The following HYDIN variants were observed in gnomAD, a reference collection of about 807,000 sequenced individuals.
HYDIN encodes axonemal central pair apparatus protein HYDIN.
A neutral mutation model predicts 403.9 loss-of-function variants in HYDIN; 132 were observed. That is an observed-to-expected ratio of 0.33 (90% CI 0.28 to 0.38). HYDIN has a LOEUF of 0.38. HYDIN is among the 10% of genes least tolerant of loss of function. The pLI, the probability that HYDIN is intolerant of heterozygous loss-of-function variation, is 1.00. For missense variants in HYDIN, 2,827 were observed against 5,009.5 expected (o/e 0.56, Z 13.15); for synonymous variants, 1,202 against 1,891.7 (o/e 0.64, Z 9.46).
intron 42 of HYDIN, among the ~76,000 whole-genome samples, chr16:70,942,437 T>C (rs1160710849): frequency 2.0e-5 from 3 of 152,012 alleles, no homozygotes; most frequent in Non-Finnish European, 4.4e-5. Context: ...AAAAATGAGA[T>C]GGAAAGGGAA....
chr16:70,962,933 G>C (rs1429052152), intron 37 of HYDIN, among the ~76,000 whole-genome samples: 4 of 150,772 alleles, frequency 2.7e-5, no homozygotes, highest in African/African-American at 9.8e-5. Context: ...GAGAAGCAGG[G>C]CGTGTGCCTT....
intron 1 of HYDIN, among the ~76,000 whole-genome samples, chr16:71,225,821 T>C (rs141481621): frequency 6.6e-6 from 1 of 152,022 alleles, no homozygotes; most frequent in African/African-American, 2.4e-5. Flanking sequence ...TCATATACAA[T>C]AGCATCAAAA....
chr16:71,175,665 T>C lies in HYDIN; in HGVS notation c.458A>G (p.Lys153Arg). ...TATGGAAGGCACTCCAGGAGCCACT[T>C]TGTGGCCAATATCTTTGGGGCTGAT... ...KVISPKDIGH[K>R]VAPGVPSIFR... The change falls in exon 5 of 86, where the codon AAA becomes AGA. Residue 153 changes from lysine (K) to arginine (R), a missense_variant. Coordinates refer to ENST00000393567, the MANE Select transcript of HYDIN (RefSeq NM_001270974.2). The C allele has an allele frequency of 6.2e-7, 1 of 1,614,028 alleles. No individual in the cohort carries two copies. Among genetic ancestry groups the C allele is most frequent in the Non-Finnish European group, 8.5e-7 (1 of 1,179,840 alleles).
intron 57 of HYDIN, among the ~76,000 whole-genome samples, chr16:70,890,512 G>T (rs2041405648): frequency 6.6e-6 from 1 of 152,180 alleles, no homozygotes; most frequent in African/African-American, 2.4e-5. Context: ...TTTAAAAAAT[G>T]TTCAAATTTT....
At chr16:70,847,119 T>C (rs2038266240) in intron 75 of HYDIN, among the ~76,000 whole-genome samples, 1 of 152,070 alleles carries the variant, frequency 6.6e-6, no homozygotes, top group African/African-American at 2.4e-5. Context: ...CGTTAGTTGA[T>C]GCAGTTTCTT....
chr16:70,843,207 C>A lies in HYDIN; in HGVS notation c.12874-2974G>T, dbSNP rs1162440782. Among the ~76,000 whole-genome samples, 7 of 119,124 alleles carry A rather than the reference C, an allele frequency of 5.9e-5. No individual in the cohort carries two copies. The South Asian group carries it at 1.5e-3, about 26-fold the overall frequency. 78.1% of individuals were successfully genotyped at this position (119,124 alleles called of 152,430 possible). A position where few individuals can be genotyped will look rare whatever the true frequency, so the allele number is the denominator to read the frequency against. ...TCCCTCCCCCCTCCCCCCACCCCACCACAGTCCCCAGAGTGTGATGTTCCC... is the reference window on the plus strand; with the variant it reads ...TCCCTCCCCCCTCCCCCCACCCCACAACAGTCCCCAGAGTGTGATGTTCCC... On this transcript the variant is annotated intron_variant, in intron 75 of 85. Coordinates refer to ENST00000393567, the MANE Select transcript of HYDIN (RefSeq NM_001270974.2).
At chr16:71,037,751 A>G (rs946201834) in intron 18 of HYDIN, among the ~76,000 whole-genome samples, 3 of 152,202 alleles carry the variant, frequency 2.0e-5, no homozygotes, top group Non-Finnish European at 4.4e-5. Flanking sequence ...AATTCTGCCA[A>G]TGACCTGGGG....
intron 77 of HYDIN, among the ~76,000 whole-genome samples, chr16:70,837,458 C>T (rs1401671617): frequency 6.6e-6 from 1 of 152,066 alleles, no homozygotes; most frequent in Non-Finnish European, 1.5e-5. Context: ...TCCTTTGATA[C>T]AGTAAAGTTT....
At chr16:71,203,460 T>C (rs1176258941) in intron 1 of HYDIN, among the ~76,000 whole-genome samples, 1 of 152,212 alleles carries the variant, frequency 6.6e-6, no homozygotes, top group Non-Finnish European at 1.5e-5. Flanking sequence ...TATGCAATGG[T>C]ATGAATTGCT....
intron 58 of HYDIN, among the ~76,000 whole-genome samples, chr16:70,888,846 G>C (rs1272646984): frequency 6.6e-6 from 1 of 152,254 alleles, no homozygotes; most frequent in African/African-American, 2.4e-5. Context: ...ATTTTTCTTT[G>C]GTGTTTGGCT....
chr16:70,883,111 C>G (rs1313841466), intron 59 of HYDIN, among the ~76,000 whole-genome samples: 1 of 152,348 alleles, frequency 6.6e-6, no homozygotes, highest in Non-Finnish European at 1.5e-5. Context: ...GCATTTTTCT[C>G]CCAATGGTAA....
chr16:70,943,172 C>T (rs1216491009), intron 42 of HYDIN, among the ~76,000 whole-genome samples: 4 of 152,100 alleles, frequency 2.6e-5, no homozygotes, highest in African/African-American at 9.7e-5. Context: ...TGATACCCTC[C>T]TCAATCCTGC....
At position 70,992,209 on chromosome 16, in the gene HYDIN, A is replaced by G. The variant is rs201022052; in HGVS notation, c.3646T>C (p.Phe1216Leu). The G allele has an allele frequency of 5.6e-5, 88 of 1,575,686 alleles. No individual in the cohort carries two copies. The highest frequency in any genetic ancestry group is 5.3e-5 in the Non-Finnish European group (62 of 1,163,692). ...LVNDEENQIR[F>L]VTLPKKPYSA... The stretch of plus-strand genomic sequence containing the variant: ...TAGGGCTTCTTCGGCAATGTCACAA[A>G]CCTACCAAAGCATGGGACAGGGAAT... The change falls in exon 24 of 86, where the codon TTT (phenylalanine) becomes CTT (leucine). Residue 1216 changes from phenylalanine (F) to leucine (L), a missense_variant and splice_region_variant. Phe to Leu is a conservative substitution (Grantham distance 22). Transcript: ENST00000393567.
intron 1 of HYDIN, among the ~76,000 whole-genome samples, chr16:71,199,235 C>T (rs1304831240): frequency 2.0e-5 from 3 of 152,116 alleles, no homozygotes; most frequent in Non-Finnish European, 2.9e-5. Flanking sequence ...AATAGAAGCC[C>T]TTTGTCAGTT....
intron 37 of HYDIN, among the ~76,000 whole-genome samples, chr16:70,963,348 A>G (rs538584327): frequency 1.4e-5 from 2 of 142,332 alleles, no homozygotes; most frequent in Non-Finnish European, 3.0e-5. Context: ...GTATCTCAGA[A>G]TGTGACTGCA....
intron 78 of HYDIN, among the ~76,000 whole-genome samples, chr16:70,835,323 T>G (rs2037350248): frequency 6.6e-6 from 1 of 151,908 alleles, no homozygotes; most frequent in African/African-American, 2.4e-5. Flanking sequence ...CACAGAGTCA[T>G]GCATGCACAA....
Position 71,184,997 on chromosome 16 carries a change from T to A in HYDIN, c.136-7A>T, listed in dbSNP as rs571220636. On this transcript the variant is annotated splice_polypyrimidine_tract_variant and splice_region_variant and intron_variant, in intron 2 of 85. Coordinates refer to ENST00000393567, the MANE Select transcript of HYDIN (RefSeq NM_001270974.2). ...GGAACTCTGAGGGTGTAAGCTAGAA[T>A]GTAAAACAATAAGAACCAAAGATTC... 38 of 1,582,362 alleles carry A rather than the reference T, an allele frequency of 2.4e-5. No individual in the cohort carries two copies. The South Asian group carries it at 4.3e-4, about 18-fold the overall frequency.
rs2079154865 is a variant in HYDIN at position 70,985,229 on chromosome 16, G to C, written c.4288C>G (p.Pro1430Ala). The C allele has an allele frequency of 6.3e-7, 1 of 1,591,774 alleles. No individual in the cohort carries two copies. Residue 1430 changes from proline (P) to alanine (A), a missense_variant, in exon 28 of 86, where the codon CCA becomes GCA. Pro to Ala is a conservative substitution (Grantham distance 27). Transcript: ENST00000393567. Reference protein sequence around the residue: ...FKVLTDHQSSPDNLLPGVPLI... With the variant: ...FKVLTDHQSSADNLLPGVPLI... ...GGCACTCCAGGGAGAAGGTTGTCTG[G>C]AGAAGACTGGTGGTCAGTCAGAACC...
intron 8 of HYDIN, among the ~76,000 whole-genome samples, chr16:71,130,184 AG>A (rs1317904419): frequency 6.6e-6 from 1 of 152,232 alleles, no homozygotes; most frequent in African/African-American, 2.4e-5. Flanking sequence ...TCACATGGCA[AG>A]GACAATTTTG....
Sources: allele counts gnomAD v4.1 joint callset (sites outside exome capture counted in the v4.1 genomes callset), GRCh38; gene constraint gnomAD v4.1.1; transcripts MANE v1.5; gene names NCBI Gene and HGNC (gene_info 2026-07-23, HGNC 2026-07-21).